PRELID2: variants seen among roughly 807,000 people sequenced by gnomAD.
PRELID2 encodes PRELI domain-containing protein 2.
PRELID2 carries 25 observed loss-of-function variants against 28.4 expected under a neutral mutation model. The ratio of observed to expected loss-of-function variants is 0.88; its 90% confidence interval spans 0.64 to 1.23. The LOEUF (loss-of-function observed/expected upper bound fraction) is 1.23. PRELID2 is among the 50% of genes most tolerant of loss of function. PRELID2 has a pLI of 0.00. For missense variants in PRELID2, 201 were observed against 214.4 expected, an observed-to-expected ratio of 0.94 and a Z score of 0.39; for synonymous variants, 76 against 71.6, an observed-to-expected ratio of 1.06 and a Z score of -0.31.
At chr5:145,533,750 ACAGATT>A (rs1433392163) in intron 1 of PRELID2, among the ~76,000 whole-genome samples, 4 of 152,066 alleles carry the variant, frequency 2.6e-5, no homozygotes, top group African/African-American at 9.7e-5. Flanking sequence ...TAACATAGTG[ACAGATT>A]CAGTCAGTCA....
At chr5:145,599,089 C>T (rs544173528) in intron 1 of PRELID2, among the ~76,000 whole-genome samples, 49 of 152,200 alleles carry the variant, frequency 3.2e-4, no homozygotes, top group African/African-American at 9.1e-4. Context: ...GAAAGAGCTG[C>T]GAAGGTGGTC....
chr5:145,664,949 A>G (rs1040074863), intron 1 of PRELID2, among the ~76,000 whole-genome samples: 5 of 152,036 alleles, frequency 3.3e-5, no homozygotes, highest in African/African-American at 1.2e-4. Context: ...GGAAATGCAC[A>G]TGCTTCCTAT....
chr5:145,652,698 G>T (rs1161743240), intron 1 of PRELID2, among the ~76,000 whole-genome samples: 7 of 152,162 alleles, frequency 4.6e-5, no homozygotes, highest in Admixed American at 4.6e-4. Flanking sequence ...ACAAGCAAAT[G>T]CTGAGAGATT....
intron 1 of PRELID2, among the ~76,000 whole-genome samples, chr5:145,595,691 C>T (rs1293536639): frequency 1.3e-5 from 2 of 152,128 alleles, no homozygotes; most frequent in African/African-American, 2.4e-5. Context: ...CCAGAGTAGA[C>T]TGTAAATCAG....
At chr5:145,608,580 C>A (rs970177216) in intron 1 of PRELID2, among the ~76,000 whole-genome samples, 1 of 152,154 alleles carries the variant, frequency 6.6e-6, no homozygotes, top group East Asian at 1.9e-4. Flanking sequence ...CCCAATCTTC[C>A]AATTTTAGGG....
At position 145,757,095 on chromosome 5, in the gene PRELID2, G is replaced by C. The variant is rs1264112369; in HGVS notation, c.*3441C>G. Among the ~76,000 whole-genome samples the C allele has an allele frequency of 3.3e-5, 5 of 152,152 alleles. No individual in the cohort carries two copies. The highest frequency in any genetic ancestry group is 5.9e-5 in the Non-Finnish European group (4 of 68,038). On this transcript the variant is annotated 3_prime_UTR_variant, in exon 7 of 7. Transcript: ENST00000683046. ...GTTTGATGTAAATGATTGAAATAAA[G>C]TAAAAAAGATGTGCAAGTTAAAAGA...
At chr5:145,366,053 C>T in the PRELID2 span, among the ~76,000 whole-genome samples, 4 of 151,824 alleles carry the variant, frequency 2.6e-5, no homozygotes, top group Non-Finnish European at 5.9e-5. Flanking sequence ...GTTCACCTCC[C>T]TACCTCAATC....
chr5:145,631,888 A>G (rs1237018363), intron 1 of PRELID2, among the ~76,000 whole-genome samples: 4 of 152,238 alleles, frequency 2.6e-5, no homozygotes, highest in Non-Finnish European at 4.4e-5. Context: ...TAAGAGAAAC[A>G]GAACATAAAA....
the PRELID2 span, among the ~76,000 whole-genome samples, chr5:145,359,757 C>T: frequency 6.6e-6 from 1 of 152,102 alleles, no homozygotes; most frequent in South Asian, 2.1e-4. Context: ...ATTTGAAGTC[C>T]ACCTCTTCAT....
intron 1 of PRELID2, among the ~76,000 whole-genome samples, chr5:145,664,052 G>A (rs1030624090): frequency 1.3e-5 from 2 of 152,092 alleles, no homozygotes; most frequent in East Asian, 1.9e-4. Context: ...TGTGTAAGCT[G>A]AGTAAGTTAC....
intron 1 of PRELID2, among the ~76,000 whole-genome samples, chr5:145,544,784 CTTCT>C (rs1752772025): frequency 1.3e-5 from 2 of 152,088 alleles, no homozygotes; most frequent in African/African-American, 4.8e-5. Context: ...TTTATCAAAT[CTTCT>C]TTCTCTCTAA....
intron 1 of PRELID2, among the ~76,000 whole-genome samples, chr5:145,545,264 A>G (rs1340508123): frequency 6.6e-6 from 1 of 152,122 alleles, no homozygotes; most frequent in Non-Finnish European, 1.5e-5. Flanking sequence ...CTTAAATCAT[A>G]AAATCAGAGA....
At chr5:145,819,454 A>G in intron 3 of PRELID2, 1 of 1,295,936 alleles carries the variant, frequency 7.7e-7, no homozygotes, top group Non-Finnish European at 1.1e-6. Context: ...TGAAGATTTC[A>G]TCATCAATGA....
intron 5 of PRELID2, among the ~76,000 whole-genome samples, chr5:145,769,832 G>A (rs1229183961): frequency 6.6e-6 from 1 of 152,182 alleles, no homozygotes; most frequent in Admixed American, 6.5e-5. Context: ...ATGGACCATT[G>A]GCCTCTTCAG....
At chr5:145,677,945 A>G (rs1188799476) in intron 1 of PRELID2, among the ~76,000 whole-genome samples, 1 of 152,172 alleles carries the variant, frequency 6.6e-6, no homozygotes, top group East Asian at 1.9e-4. Flanking sequence ...ATAGGTAACC[A>G]TATATTTGTA....
chr5:145,378,123 T>C, the PRELID2 span, among the ~76,000 whole-genome samples: 1 of 152,196 alleles, frequency 6.6e-6, no homozygotes, highest in Admixed American at 6.5e-5. Flanking sequence ...TCCCAATCTC[T>C]TCTGTCTTCC....
intron 1 of PRELID2, among the ~76,000 whole-genome samples, chr5:145,651,514 G>A (rs1754297656): frequency 6.6e-6 from 1 of 152,130 alleles, no homozygotes; most frequent in Admixed American, 6.5e-5. Flanking sequence ...CCCAGTAGGG[G>A]CAGACTGACA....
the PRELID2 span, among the ~76,000 whole-genome samples, chr5:145,428,427 GA>G: frequency 1.8e-4 from 27 of 150,586 alleles, no homozygotes; most frequent in Non-Finnish European, 3.0e-5. Context: ...TATTCAAGTA[GA>G]AAAAAAAACT....
intron 1 of PRELID2, among the ~76,000 whole-genome samples, chr5:145,596,259 C>T (rs1180506136): frequency 2.0e-5 from 3 of 152,072 alleles, no homozygotes; most frequent in Admixed American, 2.0e-4. Flanking sequence ...TCAGCTAGCT[C>T]TGACTCTCCT....
Sources: allele counts gnomAD v4.1 joint callset (sites outside exome capture counted in the v4.1 genomes callset), GRCh38; gene constraint gnomAD v4.1.1; transcripts MANE v1.5; gene names NCBI Gene and HGNC (gene_info 2026-07-23, HGNC 2026-07-21).